The following KCNQ4 variants were observed in gnomAD, a reference collection of about 807,000 sequenced individuals.
The protein encoded by KCNQ4 is potassium voltage-gated channel subfamily KQT member 4.
In KCNQ4, 31 loss-of-function variants were observed where a neutral mutation model predicts 72.6. That is an observed-to-expected ratio of 0.43 (90% confidence interval 0.32 to 0.58). KCNQ4 has a LOEUF of 0.58. KCNQ4 is among the 20% of genes least tolerant of loss of function. The pLI, the probability that KCNQ4 is intolerant of heterozygous loss-of-function variation, is 0.08. For synonymous variants in KCNQ4, 405 were observed against 403.7 expected, an observed-to-expected ratio of 1.00 and a Z score of -0.04; for missense variants, 869 against 962.6, an observed-to-expected ratio of 0.90 and a Z score of 1.29.
rs1416040314 is a variant in KCNQ4, at chr1:40,818,566, C to T, written c.594C>T (p.Phe198=). ...VIAAGTQGNI[F]ATSALRSMRF... ...CCGCGGGTACCCAGGGCAACATCTTCGCCACGTCCGCGCTGCGCAGCATGC... is the reference window on the plus strand; with the variant it reads ...CCGCGGGTACCCAGGGCAACATCTTTGCCACGTCCGCGCTGCGCAGCATGC... The change falls in exon 4 of 14, where the codon TTC becomes TTT. Residue 198 remains phenylalanine (F), a synonymous_variant. Coordinates refer to ENST00000347132, the MANE Select transcript of KCNQ4 (RefSeq NM_004700.4). 4 of 1,604,502 alleles carry T rather than the reference C, an allele frequency of 2.5e-6. No individual in the cohort carries two copies. The highest frequency in any genetic ancestry group is 3.4e-6 in the Non-Finnish European group (4 of 1,179,832).
chr1:40,817,085 G>A lies in KCNQ4; in HGVS notation c.315-180G>A, dbSNP rs943586803. On this transcript the variant is annotated intron_variant, in intron 1 of 13. Transcript: ENST00000347132. This position sits in a 1 kb window ranked among gnomAD's most constrained non-coding sequence, Gnocchi z 5.5. ...TGAGGTCCAGTAGCTTGGGGCTTGA[G>A]GGCTGCTGCCTTTGGTGCCCAGCAC... Among the ~76,000 whole-genome samples, 2 of 152,248 alleles carry A rather than the reference G, an allele frequency of 1.3e-5. No individual in the cohort carries two copies. The highest frequency in any genetic ancestry group is 2.9e-5 in the Non-Finnish European group (2 of 68,052).
chr1:40,795,482 G>A (rs774540377), intron 1 of KCNQ4, among the ~76,000 whole-genome samples: 22 of 151,530 alleles, frequency 1.5e-4, no homozygotes, highest in Non-Finnish European at 2.8e-4. Context: ...GGCTGGTTTC[G>A]AATTCCTGTG....
In KCNQ4 at chr1:40,829,909, C is replaced by G. The variant is rs1339577682; in HGVS notation, c.1293-1175C>G. Among the ~76,000 whole-genome samples the G allele has an allele frequency of 2.0e-5, 3 of 152,188 alleles. No individual in the cohort carries two copies. In the East Asian group the frequency reaches 5.8e-4, roughly 29 times the overall value. On this transcript the variant is annotated intron_variant, in intron 9 of 13. Transcript: ENST00000347132. The stretch of plus-strand genomic sequence containing the variant: ...AACAGCCATAACATTGTCCTTGAAC[C>G]TCTTGGACACAGAGTTACTCTACCA...
chr1:40,802,515 G>T (rs1281872069), intron 1 of KCNQ4, among the ~76,000 whole-genome samples: 1 of 151,112 alleles, frequency 6.6e-6, no homozygotes, highest in Non-Finnish European at 1.5e-5. Context: ...CAAGAGCCCC[G>T]CCCACCATTC....
Position 40,784,202 on chromosome 1 carries a change from G to C in KCNQ4, c.109G>C (p.Gly37Arg). The C allele has an allele frequency of 3.6e-6, 4 of 1,126,612 alleles. No homozygotes were observed. The South Asian group carries it at 1.5e-4, about 42-fold the overall frequency. The allele number at this position is 1,126,612 out of a possible 1,614,324, so 69.8% of individuals were successfully genotyped here. Residue 37 changes from glycine (G) to arginine (R), a missense_variant, in exon 1 of 14, where the codon GGC becomes CGC. Physicochemically the swap from Gly to Arg is moderately radical, Grantham distance 125 (BLOSUM62 -2). Transcript: ENST00000347132. This position sits in a 1 kb window ranked among gnomAD's most constrained non-coding sequence, Gnocchi z 4.1. Reference protein sequence around the residue: ...TAVQSEQGEAGGGGSPRRLGL... With the variant: ...TAVQSEQGEARGGGSPRRLGL... Reference sequence around the variant, plus strand: ...CGTGCAGAGCGAACAGGGCGAGGCGGGCGGGGGCGGCTCCCCGCGCCGCCT... The same window carrying C: ...CGTGCAGAGCGAACAGGGCGAGGCGCGCGGGGGCGGCTCCCCGCGCCGCCT...
At chr1:40,799,370 C>T (rs943098646) in intron 1 of KCNQ4, among the ~76,000 whole-genome samples, 3 of 152,166 alleles carry the variant, frequency 2.0e-5, no homozygotes, top group African/African-American at 7.2e-5. Context: ...TGGGGCTCAT[C>T]CTGGGCCACC....
chr1:40,837,395 C>G (rs1193865118), intron 12 of KCNQ4, among the ~76,000 whole-genome samples: 1 of 152,248 alleles, frequency 6.6e-6, no homozygotes. Flanking sequence ...GCTGGGCCTC[C>G]TAGTCCACTA....
intron 1 of KCNQ4, among the ~76,000 whole-genome samples, chr1:40,811,255 C>A (rs552729873): frequency 6.4e-4 from 97 of 152,328 alleles, no homozygotes; most frequent in Admixed American, 2.7e-3. Context: ...GAGCTTTCCC[C>A]CTCCTGCCCT....
chr1:40,821,602 C>T (rs1648293271), intron 7 of KCNQ4, among the ~76,000 whole-genome samples: 1 of 152,164 alleles, frequency 6.6e-6, no homozygotes, highest in South Asian at 2.1e-4. Context: ...CCTCTCAGTC[C>T]TTAGTATTCC....
chr1:40,838,667 T>A lies in KCNQ4; in HGVS notation c.*144T>A. 1 of 791,932 alleles carries A rather than the reference T, an allele frequency of 1.3e-6. No individual in the cohort carries two copies. The highest frequency in any genetic ancestry group is 2.1e-6 in the Non-Finnish European group (1 of 471,930). 49.1% of individuals were successfully genotyped at this position (791,932 alleles called of 1,614,324 possible). A position where few individuals can be genotyped will look rare whatever the true frequency, so the allele number is the denominator to read the frequency against. On this transcript the variant is annotated 3_prime_UTR_variant, in exon 14 of 14. Coordinates refer to ENST00000347132, the MANE Select transcript of KCNQ4 (RefSeq NM_004700.4). ...CACACGCAGTATTGAGCTGCCTGAGTGGGCGTGGTACCTGCTGTGGGTGCC... is the reference window on the plus strand; with the variant it reads ...CACACGCAGTATTGAGCTGCCTGAGAGGGCGTGGTACCTGCTGTGGGTGCC...
At chr1:40,825,133 C>T (rs1648437636) in intron 9 of KCNQ4, among the ~76,000 whole-genome samples, 1 of 152,152 alleles carries the variant, frequency 6.6e-6, no homozygotes, top group East Asian at 1.9e-4. Context: ...GGGTTAAATC[C>T]CCCTCATTCT....
intron 13 of KCNQ4, 101 bp downstream of exon 13, chr1:40,837,895 C>G (rs1363540666): frequency 6.7e-7 from 1 of 1,485,012 alleles, no homozygotes; most frequent in Non-Finnish European, 9.2e-7. Context: ...GCCCAAGGGT[C>G]CCCGAGAAGA....
intron 1 of KCNQ4, among the ~76,000 whole-genome samples, chr1:40,786,171 A>AC (rs1647200600): frequency 6.6e-6 from 1 of 151,718 alleles, no homozygotes; most frequent in African/African-American, 2.4e-5. Flanking sequence ...AGGGTGAGAC[A>AC]CCCCCCAGAG....
intron 9 of KCNQ4, 111 bp downstream of exon 9, chr1:40,824,369 C>A: frequency 8.2e-7 from 1 of 1,218,086 alleles, no homozygotes; most frequent in Non-Finnish European, 1.2e-6. Flanking sequence ...GTGTCTGGGC[C>A]TGTTTGGGGG....
In KCNQ4 at chr1:40,814,293, A is replaced by G. The variant is rs1648019749; in HGVS notation, c.315-2972A>G. Among the ~76,000 whole-genome samples the G allele has an allele frequency of 1.3e-5, 2 of 151,444 alleles. 1 individual carries two copies. Among genetic ancestry groups the G allele is most frequent in the South Asian group, 4.2e-4 (2 of 4,790 alleles). ...GGTCTGTAACTCCTGACCTCAGGCT[A>G]TCCACCCACCTCGGCCTCCCAAAGT... On this transcript the variant is annotated intron_variant, in intron 1 of 13. Transcript: ENST00000347132.
intron 9 of KCNQ4, among the ~76,000 whole-genome samples, chr1:40,830,026 G>A (rs1315202950): frequency 6.6e-6 from 1 of 152,204 alleles, no homozygotes; most frequent in Non-Finnish European, 1.5e-5. Flanking sequence ...GGAGTTGGAT[G>A]CGGGAAGGGA....
chr1:40,829,535 G>A (rs1648575681), intron 9 of KCNQ4, among the ~76,000 whole-genome samples: 3 of 152,028 alleles, frequency 2.0e-5, no homozygotes, highest in South Asian at 2.1e-4. Flanking sequence ...TGGTTTCGAG[G>A]TCTCCCTCAC....
chr1:40,832,606 A>G (rs1648682876), intron 10 of KCNQ4, among the ~76,000 whole-genome samples: 1 of 152,234 alleles, frequency 6.6e-6, no homozygotes, highest in Admixed American at 6.5e-5. Context: ...GTGTCCTTCC[A>G]TCTTAGCTGA....
intron 7 of KCNQ4, among the ~76,000 whole-genome samples, chr1:40,821,730 T>C (rs1484755730): frequency 6.6e-6 from 1 of 152,192 alleles, no homozygotes; most frequent in Non-Finnish European, 1.5e-5. Context: ...GCACTGAGAA[T>C]GCAGCGGTAA....
Sources: gnomAD v4.1 joint callset for allele counts (sites outside exome capture counted in the v4.1 genomes callset) on GRCh38, gnomAD v4.1.1 for gene constraint, Gnocchi (gnomAD v3.1) non-coding constraint, MANE v1.5 for transcripts, NCBI Gene and HGNC (gene_info 2026-07-23, HGNC 2026-07-21) for gene names.